ZFAND3: variants seen among roughly 807,000 people sequenced by gnomAD.
ZFAND3 encodes the protein zinc finger AN1-type containing 3, also known as AN1-type zinc finger protein 3.
ZFAND3 carries 10 observed loss-of-function variants against 29.6 expected under a neutral mutation model. The observed-to-expected ratio is 0.34, with a 90% CI of 0.21 to 0.57. The LOEUF is 0.57. Among genes scored for constraint, ZFAND3 ranks in the 20% least tolerant of loss-of-function variants. The pLI, the probability that ZFAND3 is intolerant of heterozygous loss-of-function variation, is 0.86. For missense variants in ZFAND3, 230 were observed against 304.5 expected (o/e 0.76, Z 1.82); for synonymous variants, 128 against 112.6 (o/e 1.14, Z -0.87).
intron 1 of ZFAND3, among the ~76,000 whole-genome samples, chr6:37,852,199 C>T (rs1764293862): frequency 1.3e-5 from 2 of 152,256 alleles, no homozygotes; most frequent in South Asian, 2.1e-4. Context: ...AAGTGGTTCT[C>T]CATGGGGGTG....
chr6:37,966,466 AC>A (rs2127426636), intron 2 of ZFAND3, among the ~76,000 whole-genome samples: 1 of 152,280 alleles, frequency 6.6e-6, no homozygotes, highest in Admixed American at 6.5e-5. Flanking sequence ...TGAGCAGACA[AC>A]GCTTAGAGAG....
intron 2 of ZFAND3, among the ~76,000 whole-genome samples, chr6:38,014,382 C>T (rs750948729): frequency 6.6e-6 from 1 of 151,486 alleles, no homozygotes; most frequent in African/African-American, 2.4e-5. Flanking sequence ...GCTGGAGTGC[C>T]GTGGCGCGAT....
At chr6:37,874,045 C>G (rs1764747960) in intron 1 of ZFAND3, among the ~76,000 whole-genome samples, 1 of 152,154 alleles carries the variant, frequency 6.6e-6, no homozygotes, top group Non-Finnish European at 1.5e-5. Flanking sequence ...TTTATTGTCT[C>G]ATGATTCTTT....
chr6:38,153,474 A>G lies in ZFAND3; in HGVS notation c.*1085A>G. On this transcript the variant is annotated 3_prime_UTR_variant, in exon 6 of 6. Coordinates refer to ENST00000287218, the MANE Select transcript of ZFAND3 (RefSeq NM_021943.3). ...CCCAGTCCACATCTACCATATAGCA[A>G]GTTTAGTAAGGGAAGGCAGCATACG... 3.0e-6 allele frequency: 3 copies of G among 985,556 alleles called. No homozygotes were observed. The highest frequency in any genetic ancestry group is 3.6e-6 in the Non-Finnish European group (3 of 830,070). The allele number at this position is 985,556 out of a possible 1,614,324, so 61.1% of individuals were successfully genotyped here.
intron 5 of ZFAND3, among the ~76,000 whole-genome samples, chr6:38,151,996 A>G (rs971114917): frequency 1.3e-4 from 20 of 152,064 alleles, no homozygotes; most frequent in African/African-American, 4.8e-4. Context: ...TTAGGGTTCT[A>G]CCCTTCAAGG....
intron 2 of ZFAND3, among the ~76,000 whole-genome samples, chr6:37,996,710 C>A (rs1443301549): frequency 6.6e-6 from 1 of 152,050 alleles, no homozygotes; most frequent in African/African-American, 2.4e-5. Flanking sequence ...TTATCTAAAT[C>A]ATTTTCTGTA....
At chr6:38,149,646 T>G (rs2127498922) in intron 5 of ZFAND3, among the ~76,000 whole-genome samples, 1 of 152,078 alleles carries the variant, frequency 6.6e-6, no homozygotes, top group East Asian at 1.9e-4. Context: ...GGCTCTCACA[T>G]CCACCAAGCT....
chr6:37,851,991 A>T (rs1032845931), intron 1 of ZFAND3, among the ~76,000 whole-genome samples: 2 of 152,226 alleles, frequency 1.3e-5, no homozygotes, highest in Non-Finnish European at 2.9e-5. Context: ...AATAATTTTG[A>T]TCTAACTTCT....
chr6:38,140,217 CAG>C (rs1765921516), intron 5 of ZFAND3, among the ~76,000 whole-genome samples: 1 of 152,096 alleles, frequency 6.6e-6, no homozygotes, highest in South Asian at 2.1e-4. Flanking sequence ...AGGTCTGGGG[CAG>C]AGAGATAAAT....
chr6:38,033,615 T>A (rs2127452736), intron 2 of ZFAND3, among the ~76,000 whole-genome samples: 1 of 152,314 alleles, frequency 6.6e-6, no homozygotes, highest in South Asian at 2.1e-4. Flanking sequence ...ATTTACTCAT[T>A]TCTCTATTTG....
chr6:37,871,902 C>A (rs749429520), intron 1 of ZFAND3, among the ~76,000 whole-genome samples: 3 of 152,176 alleles, frequency 2.0e-5, no homozygotes, highest in African/African-American at 4.8e-5. Context: ...AAAATTGAAA[C>A]CATCTTTCCC....
At chr6:38,144,171 GAT>G (rs1315714773) in intron 5 of ZFAND3, among the ~76,000 whole-genome samples, 2 of 87,318 alleles carry the variant, frequency 2.3e-5, no homozygotes, top group African/African-American at 5.3e-5. Context: ...AGAAAAATGT[GAT>G]ATATATATAT....
At chr6:38,150,185 T>C (rs1766192375) in intron 5 of ZFAND3, among the ~76,000 whole-genome samples, 2 of 152,300 alleles carry the variant, frequency 1.3e-5, no homozygotes, top group South Asian at 2.1e-4. Context: ...AATGAACTTA[T>C]CAGTAAATGT....
intron 5 of ZFAND3, among the ~76,000 whole-genome samples, chr6:38,122,260 A>G (rs1562007497): frequency 6.6e-6 from 1 of 152,204 alleles, no homozygotes; most frequent in African/African-American, 2.4e-5. Flanking sequence ...ACATCCTCTC[A>G]TATACTTTGT....
At chr6:38,073,899 T>G (rs1324133808) in intron 3 of ZFAND3, among the ~76,000 whole-genome samples, 1 of 152,220 alleles carries the variant, frequency 6.6e-6, no homozygotes, top group Non-Finnish European at 1.5e-5. Context: ...TGGTTTGAAA[T>G]TTTGACTAGC....
chr6:38,141,424 T>C (rs1037299625), intron 5 of ZFAND3, among the ~76,000 whole-genome samples: 7 of 152,216 alleles, frequency 4.6e-5, no homozygotes, highest in Non-Finnish European at 1.0e-4. Context: ...GGAGCTCCTC[T>C]CTGATGTCCT....
chr6:37,961,639 C>T (rs984241534), intron 2 of ZFAND3, among the ~76,000 whole-genome samples: 2 of 152,250 alleles, frequency 1.3e-5, no homozygotes, highest in African/African-American at 4.8e-5. Flanking sequence ...ATCCCCATCT[C>T]TAAGTGGCTC....
chr6:37,872,379 T>C (rs1021549109), intron 1 of ZFAND3, among the ~76,000 whole-genome samples: 5 of 152,186 alleles, frequency 3.3e-5, no homozygotes, highest in Non-Finnish European at 2.9e-5. Context: ...TAGGAACATA[T>C]TCAGTTCCAC....
chr6:37,919,079 G>C (rs943725115), intron 1 of ZFAND3, among the ~76,000 whole-genome samples: 9 of 149,482 alleles, frequency 6.0e-5, no homozygotes, highest in African/African-American at 2.2e-4. Flanking sequence ...TCAGCCTCCC[G>C]AGTAGCTGGG....
Sources: gnomAD v4.1 joint callset for allele counts (sites outside exome capture counted in the v4.1 genomes callset) on GRCh38, gnomAD v4.1.1 for gene constraint, MANE v1.5 for transcripts, NCBI Gene and HGNC (gene_info 2026-07-23, HGNC 2026-07-21) for gene names.